EGFLAM: variants seen among roughly 807,000 people sequenced by gnomAD.
EGFLAM encodes the protein EGF like, fibronectin type III and laminin G domains, also known as pikachurin.
EGFLAM carries 79 observed loss-of-function variants against 113.1 expected under a neutral mutation model. The ratio of observed to expected loss-of-function variants is 0.70; its 90% confidence interval spans 0.58 to 0.84. The LOEUF is 0.84. Among genes scored for constraint, EGFLAM ranks in the 40% least tolerant of loss-of-function variants. The probability of loss-of-function intolerance (pLI) is 0.00; values close to 1 mark genes in which losing one functional copy is unlikely to be tolerated. For missense variants in EGFLAM, 1,265 were observed against 1,291.6 expected, an observed-to-expected ratio of 0.98 and a Z score of 0.32; for synonymous variants, 504 against 487.6, an observed-to-expected ratio of 1.03 and a Z score of -0.44.
At chr5:38,298,828 G>T (rs1370853526) in intron 1 of EGFLAM, among the ~76,000 whole-genome samples, 1 of 151,958 alleles carries the variant, frequency 6.6e-6, no homozygotes, top group East Asian at 1.9e-4. Context: ...CACCTCCTGG[G>T]TTGCTGGGAC....
At chr5:38,266,765 A>G (rs1351618134) in intron 1 of EGFLAM, among the ~76,000 whole-genome samples, 4 of 152,202 alleles carry the variant, frequency 2.6e-5, no homozygotes, top group Non-Finnish European at 5.9e-5. Context: ...AGGATGTGGT[A>G]GGGCAGCAGC....
chr5:38,359,036 C>T (rs1238167532), intron 5 of EGFLAM, among the ~76,000 whole-genome samples: 2 of 152,124 alleles, frequency 1.3e-5, no homozygotes, highest in African/African-American at 2.4e-5. Context: ...ATATAGCTAC[C>T]TATGTTTTGA....
chr5:38,439,953 A>G (rs1028083464), intron 17 of EGFLAM, among the ~76,000 whole-genome samples: 2 of 152,190 alleles, frequency 1.3e-5, no homozygotes, highest in Non-Finnish European at 1.5e-5. Flanking sequence ...ACTGGAAATT[A>G]AAGGGAGAAA....
intron 6 of EGFLAM, among the ~76,000 whole-genome samples, chr5:38,392,882 G>A (rs1310524803): frequency 6.6e-6 from 1 of 151,968 alleles, no homozygotes; most frequent in East Asian, 1.9e-4. Context: ...CCCATCCTGT[G>A]TCCAAGTGTT....
intron 5 of EGFLAM, among the ~76,000 whole-genome samples, chr5:38,354,838 A>G (rs1261535284): frequency 6.6e-6 from 1 of 152,196 alleles, no homozygotes; most frequent in Non-Finnish European, 1.5e-5. Context: ...GTTCAAACAC[A>G]TATTTTAAAA....
At chr5:38,340,817 G>C (rs532742243) in intron 3 of EGFLAM, among the ~76,000 whole-genome samples, 30 of 135,500 alleles carry the variant, frequency 2.2e-4, no homozygotes, top group Admixed American at 5.9e-4. Context: ...CTCAATCTCT[G>C]TGTGTGTGTG....
At position 38,352,349 on chromosome 5, in the gene EGFLAM, A is replaced by G. The variant is rs1309527315; in HGVS notation, c.545+18A>G. The G allele has an allele frequency of 6.2e-7, 1 of 1,613,196 alleles. No individual in the cohort carries two copies. Among genetic ancestry groups the G allele is most frequent in the Admixed American group, 1.7e-5 (1 of 59,980 alleles). ...TTCATCAGGTAAGTCTGTATGTCACATTCAAAAGCCAAATGTGTGCTGGGC... is the reference window on the plus strand; with the variant it reads ...TTCATCAGGTAAGTCTGTATGTCACGTTCAAAAGCCAAATGTGTGCTGGGC... On this transcript the variant is annotated intron_variant, in intron 5 of 21. Transcript: ENST00000322350.
chr5:38,309,706 C>G (rs1372544176), intron 1 of EGFLAM, among the ~76,000 whole-genome samples: 1 of 152,216 alleles, frequency 6.6e-6, no homozygotes, highest in African/African-American at 2.4e-5. Flanking sequence ...AAGGTTGCAG[C>G]TCCCCGTGTG....
chr5:38,308,311 C>T (rs1001065743), intron 1 of EGFLAM, among the ~76,000 whole-genome samples: 6 of 152,228 alleles, frequency 3.9e-5, no homozygotes, highest in Admixed American at 3.3e-4. Context: ...CCAATGGGGC[C>T]ACTTGTCAAT....
intron 3 of EGFLAM, 105 bp downstream of exon 3, chr5:38,338,886 A>C: frequency 5.7e-6 from 5 of 874,506 alleles, no homozygotes; most frequent in Non-Finnish European, 7.4e-6. Flanking sequence ...ATAATAACTA[A>C]TGCTTGTAAT....
At chr5:38,396,215 T>C (rs146773149) in intron 6 of EGFLAM, among the ~76,000 whole-genome samples, 2,105 of 151,970 alleles carry the variant, frequency 0.014, 23 homozygotes, top group Non-Finnish European at 0.02. Context: ...AAAGTGTAAA[T>C]GATAAGGAAT....
intron 12 of EGFLAM, among the ~76,000 whole-genome samples, chr5:38,419,637 A>G (rs1021619618): frequency 3.3e-5 from 5 of 152,204 alleles, no homozygotes; most frequent in Admixed American, 1.3e-4. Flanking sequence ...TAATATTATT[A>G]GTTGAGCACC....
At chr5:38,373,820 C>G (rs1740293184) in intron 6 of EGFLAM, among the ~76,000 whole-genome samples, 1 of 152,050 alleles carries the variant, frequency 6.6e-6, no homozygotes, top group African/African-American at 2.4e-5. Context: ...ATTTTTAGTT[C>G]TTTGAGAAGT....
At chr5:38,367,477 C>G (rs1162005746) in intron 5 of EGFLAM, among the ~76,000 whole-genome samples, 1 of 151,800 alleles carries the variant, frequency 6.6e-6, no homozygotes, top group East Asian at 1.9e-4. Flanking sequence ...TCTTGAACCC[C>G]TGGGCTCAAG....
Position 38,323,924 on chromosome 5 carries a change from C to T in EGFLAM, c.98-13596C>T, listed in dbSNP as rs10056464. 8.2e-3 allele frequency among the ~76,000 whole-genome samples: 1,243 copies of T among 151,624 alleles called. 14 individuals are homozygous for T. Among genetic ancestry groups the T allele is most frequent in the African/African-American group, 0.028 (1,136 of 41,258 alleles). Reference sequence around the variant, plus strand: ...TGGCGTGGTGGTGCATGCCTGTAATCCCAGCTATTCTGGAGCCTGAGGCAG... The same window carrying T: ...TGGCGTGGTGGTGCATGCCTGTAATTCCAGCTATTCTGGAGCCTGAGGCAG... On this transcript the variant is annotated intron_variant, in intron 1 of 21. Transcript: ENST00000322350.
At chr5:38,289,443 G>C (rs2111785368) in intron 1 of EGFLAM, among the ~76,000 whole-genome samples, 1 of 152,318 alleles carries the variant, frequency 6.6e-6, no homozygotes, top group East Asian at 1.9e-4. Context: ...TCAATGGCTT[G>C]AAACAAATGT....
chr5:38,365,468 A>C (rs1247937247), intron 5 of EGFLAM, among the ~76,000 whole-genome samples: 2 of 152,200 alleles, frequency 1.3e-5, no homozygotes, highest in African/African-American at 2.4e-5. Flanking sequence ...TTCAAGAAAC[A>C]GATTCCTCTC....
At chr5:38,440,604 T>C (rs1027889575) in intron 17 of EGFLAM, among the ~76,000 whole-genome samples, 4 of 152,188 alleles carry the variant, frequency 2.6e-5, no homozygotes, top group African/African-American at 9.6e-5. Context: ...AGACCAAGAA[T>C]GGTGAGAAGC....
chr5:38,340,206 C>A (rs1230413142), intron 3 of EGFLAM, among the ~76,000 whole-genome samples: 1 of 152,196 alleles, frequency 6.6e-6, no homozygotes, highest in Non-Finnish European at 1.5e-5. Context: ...GGGAGACCAG[C>A]ATTCTGGACT....
Sources: allele counts gnomAD v4.1 joint callset (sites outside exome capture counted in the v4.1 genomes callset), GRCh38; gene constraint gnomAD v4.1.1; transcripts MANE v1.5; gene names NCBI Gene and HGNC (gene_info 2026-07-23, HGNC 2026-07-21).